The following MTIF2 variants were observed in gnomAD, a reference collection of about 807,000 sequenced individuals.
MTIF2 encodes translation initiation factor IF-2, mitochondrial.
A neutral mutation model predicts 83.5 loss-of-function variants in MTIF2; 71 were observed. That is an observed-to-expected ratio of 0.85 (90% CI 0.70 to 1.04). MTIF2 has a LOEUF of 1.04. Ranked by LOEUF, MTIF2 falls within the 50% of genes least tolerant of loss-of-function variation. The probability of loss-of-function intolerance (pLI) is 0.00; values close to 1 mark genes in which losing one functional copy is unlikely to be tolerated. For missense variants in MTIF2, 957 were observed against 846.5 expected, an observed-to-expected ratio of 1.13 and a Z score of -1.62; for synonymous variants, 319 against 287.1, an observed-to-expected ratio of 1.11 and a Z score of -1.12.
At chr2:55,260,986 G>T (rs1020818476) in intron 5 of MTIF2, among the ~76,000 whole-genome samples, 2 of 151,342 alleles carry the variant, frequency 1.3e-5, no homozygotes, top group African/African-American at 2.4e-5. Context: ...ATTACTACCA[G>T]TATTTCTTTT....
chr2:55,242,852 T>C, intron 13 of MTIF2, 88 bp downstream of exon 13: 1 of 1,350,832 alleles, frequency 7.4e-7, no homozygotes, highest in South Asian at 1.4e-5. Flanking sequence ...AAATGTCAGG[T>C]GTGACAAGCC....
chr2:55,240,648 T>C (rs1160167696), intron 13 of MTIF2, among the ~76,000 whole-genome samples: 3 of 152,184 alleles, frequency 2.0e-5, no homozygotes, highest in African/African-American at 7.2e-5. Flanking sequence ...CTAGTACGTT[T>C]TCCAATTGAT....
At position 55,246,396 on chromosome 2, in the gene MTIF2, T is replaced by A. The variant is rs763271541; in HGVS notation, c.1047A>T (p.Ala349=). The change falls in exon 10 of 16, where the codon GCA becomes GCT. Residue 349 remains alanine, a synonymous_variant. Transcript: ENST00000263629. ...VALAEMLELK[A]DPNGPVEGTV... is the part of the protein sequence containing the mutation. ...TTCCTTCCACTGGACCATTGGGATC[T>A]GCTTTCAATTCTAACATTTCTGCAA... is the stretch of plus-strand genomic sequence containing the variant. The A allele has an allele frequency of 1.4e-5, 22 of 1,613,764 alleles. No individual in the cohort carries two copies. The highest frequency in any genetic ancestry group is 1.6e-4 in the Middle Eastern group (1 of 6,080).
chr2:55,239,959 T>A (rs1676178031), intron 14 of MTIF2, 52 bp downstream of exon 14: 1 of 1,493,858 alleles, frequency 6.7e-7, no homozygotes, highest in South Asian at 1.2e-5. Context: ...GAAGTGCTAT[T>A]TATAGCACCT....
chr2:55,263,510 T>C (rs1288550296), intron 4 of MTIF2, 130 bp downstream of exon 4: 2 of 652,674 alleles, frequency 3.1e-6, no homozygotes, highest in Non-Finnish European at 5.2e-6. Flanking sequence ...CTCAGGAGGC[T>C]GAGGCAGGAG....
At chr2:55,258,902 C>T (rs1446895938) in intron 5 of MTIF2, among the ~76,000 whole-genome samples, 2 of 151,730 alleles carry the variant, frequency 1.3e-5, no homozygotes, top group African/African-American at 4.8e-5. Context: ...ATTGCTTGAA[C>T]CTGAGAGGTG....
At chr2:55,248,301 G>C (rs1676847372) in intron 9 of MTIF2, among the ~76,000 whole-genome samples, 1 of 152,108 alleles carries the variant, frequency 6.6e-6, no homozygotes, top group African/African-American at 2.4e-5. Context: ...AAATTTCAGA[G>C]AAAAAGATGC....
rs1339114983 is a variant in MTIF2, at chr2:55,249,453, T to C, written c.923A>G (p.Asp308Gly). The stretch of plus-strand genomic sequence containing the variant: ...ACCTCCATAATCTTCACATACCACA[T>C]CGTAAGCCAGCAGCTCTTTTTTCAC... ...EKVKKELLAYDVVCEDYGGDV... is the reference protein window; with the variant it reads ...EKVKKELLAYGVVCEDYGGDV... The change falls in exon 9 of 16, where the codon GAT (aspartate) becomes GGT (glycine). Residue 308 changes from aspartate to glycine, a missense_variant. Transcript: ENST00000263629. 6.2e-7 allele frequency: 1 copy of C among 1,614,142 alleles called. No individual in the cohort carries two copies.
intron 14 of MTIF2, among the ~76,000 whole-genome samples, chr2:55,239,017 T>C (rs369509732): frequency 6.6e-6 from 1 of 152,188 alleles, no homozygotes; most frequent in Non-Finnish European, 1.5e-5. Context: ...TTCTACAAAA[T>C]AGCTGTCCAA....
At chr2:55,262,970 G>A (rs1451059068) in intron 4 of MTIF2, among the ~76,000 whole-genome samples, 2 of 152,100 alleles carry the variant, frequency 1.3e-5, no homozygotes, top group South Asian at 4.1e-4. Context: ...CTTGTGATCC[G>A]CCTGCCTTAG....
chr2:55,243,401 T>A lies in MTIF2; in HGVS notation c.1564+15A>T, dbSNP rs2104319922. On this transcript the variant is annotated intron_variant, in intron 12 of 15. Coordinates refer to ENST00000263629, the MANE Select transcript of MTIF2 (RefSeq NM_002453.3). Reference sequence around the variant, plus strand: ...TCAAAGAATGAACTGTAATGTAAAATCTTTAAAAAGATACCTTTAATAATC... The same window carrying A: ...TCAAAGAATGAACTGTAATGTAAAAACTTTAAAAAGATACCTTTAATAATC... 1 of 1,578,920 alleles carries A rather than the reference T, an allele frequency of 6.3e-7. No homozygotes were observed. Among genetic ancestry groups the A allele is most frequent in the South Asian group, 1.2e-5 (1 of 86,304 alleles).
chr2:55,266,169 C>G (rs1466782323), intron 3 of MTIF2, among the ~76,000 whole-genome samples: 1 of 152,052 alleles, frequency 6.6e-6, no homozygotes, highest in Non-Finnish European at 1.5e-5. Flanking sequence ...TGAACTATTT[C>G]AATGCGTTTA....
Position 55,243,635 on chromosome 2 carries a change from A to G in MTIF2, c.1345T>C (p.Tyr449His). Residue 449 changes from tyrosine (Y) to histidine (H), a missense_variant, in exon 12 of 16, where the codon TAT becomes CAT. Tyr to His is a moderately conservative substitution (Grantham distance 83). Transcript: ENST00000263629. ...RAREVVDWRKYEQEQEKGQED... is the reference protein window; with the variant it reads ...RAREVVDWRKHEQEQEKGQED... ...TGACCTTTCTCCTGTTCTTGTTCAT[A>G]TTTCCTCCAGTCAACAACTTCACGT... 6.2e-7 allele frequency: 1 copy of G among 1,613,678 alleles called. No individual in the cohort carries two copies. The highest frequency in any genetic ancestry group is 8.5e-7 in the Non-Finnish European group (1 of 1,179,922).
intron 8 of MTIF2, among the ~76,000 whole-genome samples, chr2:55,249,790 CA>C (rs143997863): frequency 0.081 from 12,299 of 151,684 alleles, 689 homozygotes; most frequent in East Asian, 0.26. Flanking sequence ...CTGAGATTAT[CA>C]AAAAAAACAA....
rs1164876284 is a variant in MTIF2, at chr2:55,243,038, T to C, written c.1607A>G (p.Asp536Gly). ...ACACTCGTGTGAAGCATCATAGGTA[T>C]CTATAATGTTCAAAATGGCCTCAAC... ...GSVEAILNII[D>G]TYDASHECEL... The change falls in exon 13 of 16, where the codon GAT (aspartate) becomes GGT (glycine). Residue 536 changes from aspartate (D) to glycine (G), a missense_variant. This residue lies in a region of MTIF2 where 733 missense variants were observed against 648.7 expected (regional missense o/e 1.13). Coordinates refer to ENST00000263629, the MANE Select transcript of MTIF2 (RefSeq NM_002453.3). 1 of 1,611,406 alleles carries C rather than the reference T, an allele frequency of 6.2e-7. No individual in the cohort carries two copies. The highest frequency in any genetic ancestry group is 1.3e-5 in the African/African-American group (1 of 74,832).
intron 8 of MTIF2, among the ~76,000 whole-genome samples, chr2:55,250,579 TATTC>T (rs1677025229): frequency 6.6e-6 from 1 of 152,210 alleles, no homozygotes; most frequent in African/African-American, 2.4e-5. Flanking sequence ...TTATACTATT[TATTC>T]ATACACCTAG....
intron 5 of MTIF2, among the ~76,000 whole-genome samples, chr2:55,255,863 C>T (rs781293574): frequency 6.6e-6 from 1 of 151,972 alleles, no homozygotes; most frequent in Non-Finnish European, 1.5e-5. Context: ...TGCAAGAGAA[C>T]CTGAGTACTG....
At chr2:55,237,807 C>T (rs1675998554) in intron 14 of MTIF2, among the ~76,000 whole-genome samples, 1 of 151,530 alleles carries the variant, frequency 6.6e-6, no homozygotes. Flanking sequence ...CCCACAACCA[C>T]ATCCAGCTGA....
At chr2:55,261,833 G>A (rs549782409) in intron 5 of MTIF2, among the ~76,000 whole-genome samples, 1 of 151,066 alleles carries the variant, frequency 6.6e-6, no homozygotes, top group East Asian at 1.9e-4. Context: ...AGCTACTCAG[G>A]AGGCTGAGGC....
Sources: allele counts gnomAD v4.1 joint callset (sites outside exome capture counted in the v4.1 genomes callset), GRCh38; gene constraint gnomAD v4.1.1; regional missense constraint gnomAD v4.1.1; transcripts MANE v1.5; gene names NCBI Gene and HGNC (gene_info 2026-07-23, HGNC 2026-07-21).